The following MECOM variants were observed in gnomAD, a reference collection of about 807,000 sequenced individuals.
The protein encoded by MECOM is MDS1 and EVI1 complex locus.
Under a neutral mutation model 116.3 loss-of-function variants are expected in MECOM, and 13 were observed. The ratio of observed to expected loss-of-function variants is 0.11; its 90% confidence interval spans 0.07 to 0.18. MECOM has a LOEUF of 0.18. MECOM is among the 10% of genes least tolerant of loss of function. The pLI is 1.00. For missense variants in MECOM, 1,299 were observed against 1,509.0 expected, an observed-to-expected ratio of 0.86 and a Z score of 2.31; for synonymous variants, 528 against 535.2, an observed-to-expected ratio of 0.99 and a Z score of 0.19.
At chr3:169,543,302 C>T (rs1760325013) in intron 1 of MECOM, among the ~76,000 whole-genome samples, 1 of 152,214 alleles carries the variant, frequency 6.6e-6, no homozygotes, top group Non-Finnish European at 1.5e-5. Context: ...AGACTGGGCA[C>T]AGTGGCTCAT....
intron 1 of MECOM, among the ~76,000 whole-genome samples, chr3:169,571,623 G>T (rs1763919463): frequency 6.6e-6 from 1 of 152,112 alleles, no homozygotes. Flanking sequence ...AAAACAGCAT[G>T]GTACTGGTAC....
chr3:169,640,150 T>C (rs529271800), intron 1 of MECOM, among the ~76,000 whole-genome samples: 50 of 150,096 alleles, frequency 3.3e-4, no homozygotes, highest in African/African-American at 6.9e-4. Flanking sequence ...TATTAAGATA[T>C]TTTATTAAAA....
intron 1 of MECOM, among the ~76,000 whole-genome samples, chr3:169,617,745 G>A (rs1244923249): frequency 6.6e-6 from 1 of 152,164 alleles, no homozygotes; most frequent in East Asian, 1.9e-4. Context: ...GGAGGGGCGG[G>A]ATTATAAAGG....
At chr3:169,203,426 A>C (rs1994478) in intron 2 of MECOM, among the ~76,000 whole-genome samples, 137,645 of 152,034 alleles carry the variant, frequency 0.91, 62,401 homozygotes, top group East Asian at 1. Flanking sequence ...CTCTGAACTT[A>C]CTTTCACCAT....
chr3:169,198,197 A>C (rs536939463), intron 2 of MECOM, among the ~76,000 whole-genome samples: 9 of 152,196 alleles, frequency 5.9e-5, no homozygotes, highest in African/African-American at 1.7e-4. Flanking sequence ...AGTTCATAAC[A>C]ACAGATAGAT....
intron 2 of MECOM, among the ~76,000 whole-genome samples, chr3:169,213,072 TTTTTTA>T (rs1327769362): frequency 6.8e-6 from 1 of 146,632 alleles, no homozygotes; most frequent in Non-Finnish European, 1.5e-5. Context: ...CCTCTCTTTC[TTTTTTA>T]TTTTTTTTAA....
chr3:169,493,361 C>A (rs1042999673), intron 1 of MECOM, among the ~76,000 whole-genome samples: 1 of 152,130 alleles, frequency 6.6e-6, no homozygotes, highest in African/African-American at 2.4e-5. Flanking sequence ...AAGCTTTAAT[C>A]TCTTGCAAAA....
chr3:169,539,497 C>A (rs1027717612), intron 1 of MECOM, among the ~76,000 whole-genome samples: 1 of 152,150 alleles, frequency 6.6e-6, no homozygotes, highest in Non-Finnish European at 1.5e-5. Flanking sequence ...CCATGCTATC[C>A]TCTTCCAGTG....
chr3:169,298,454 C>A (rs1348054348), intron 2 of MECOM, among the ~76,000 whole-genome samples: 1 of 151,306 alleles, frequency 6.6e-6, no homozygotes, highest in African/African-American at 2.4e-5. Context: ...ATAATATAAA[C>A]CATATTTTGA....
chr3:169,266,326 C>A (rs866148638), intron 2 of MECOM, among the ~76,000 whole-genome samples: 1 of 152,118 alleles, frequency 6.6e-6, no homozygotes, highest in Admixed American at 6.6e-5. Context: ...CACATTAAGA[C>A]CTGGGTAATT....
At chr3:169,554,465 T>A (rs922906682) in intron 1 of MECOM, among the ~76,000 whole-genome samples, 1 of 152,230 alleles carries the variant, frequency 6.6e-6, no homozygotes, top group African/African-American at 2.4e-5. Flanking sequence ...GACTATGATT[T>A]CATTTTTTAA....
intron 2 of MECOM, among the ~76,000 whole-genome samples, chr3:169,373,624 T>C (rs372393461): frequency 3.3e-5 from 5 of 152,128 alleles, no homozygotes; most frequent in Admixed American, 6.6e-5. Context: ...GATATTTTGA[T>C]AGAAGCATGC....
At chr3:169,529,064 G>A (rs1393168262) in intron 1 of MECOM, among the ~76,000 whole-genome samples, 1 of 152,028 alleles carries the variant, frequency 6.6e-6, no homozygotes, top group African/African-American at 2.4e-5. Flanking sequence ...GGAGGTTCTA[G>A]AAATAAAGTG....
At chr3:169,220,289 C>A (rs1271506611) in intron 2 of MECOM, among the ~76,000 whole-genome samples, 1 of 151,990 alleles carries the variant, frequency 6.6e-6, no homozygotes, top group Non-Finnish European at 1.5e-5. Flanking sequence ...TTAGTCCAGC[C>A]AGAGTGAAAC....
At chr3:169,180,364 G>A (rs987693496) in intron 2 of MECOM, among the ~76,000 whole-genome samples, 1 of 152,116 alleles carries the variant, frequency 6.6e-6, no homozygotes, top group African/African-American at 2.4e-5. Flanking sequence ...ACAAATACAC[G>A]TATACATACA....
chr3:169,663,219 T>A, intron 1 of MECOM, 117 bp downstream of exon 1: 2 of 1,240,642 alleles, frequency 1.6e-6, no homozygotes, highest in Admixed American at 2.1e-5. Flanking sequence ...CCGCCTGCCC[T>A]CCACCCGGGG....
At chr3:169,519,133 T>C (rs1001292206) in intron 1 of MECOM, among the ~76,000 whole-genome samples, 12 of 152,240 alleles carry the variant, frequency 7.9e-5, no homozygotes, top group African/African-American at 2.9e-4. Context: ...AGAATGCTTC[T>C]CTCTGTGTAG....
At chr3:169,605,725 T>G (rs1311960092) in intron 1 of MECOM, among the ~76,000 whole-genome samples, 1 of 152,212 alleles carries the variant, frequency 6.6e-6, no homozygotes, top group Non-Finnish European at 1.5e-5. Flanking sequence ...ATCATCAATG[T>G]ATTGATTGAT....
chr3:169,462,048 G>C (rs561522679), intron 1 of MECOM, among the ~76,000 whole-genome samples: 1 of 152,014 alleles, frequency 6.6e-6, no homozygotes, highest in African/African-American at 2.4e-5. Context: ...ATACACTAGC[G>C]TGTAACTGGG....
Sources: gnomAD v4.1 joint callset for allele counts (sites outside exome capture counted in the v4.1 genomes callset) on GRCh38, gnomAD v4.1.1 for gene constraint, MANE v1.5 for transcripts, NCBI Gene and HGNC (gene_info 2026-07-23, HGNC 2026-07-21) for gene names.